The following ME3 variants were observed in gnomAD, a reference collection of about 807,000 sequenced individuals.
ME3 encodes the protein malic enzyme 3.
Under a neutral mutation model 68.9 loss-of-function variants are expected in ME3, and 48 were observed. The ratio of observed to expected loss-of-function variants is 0.70; its 90% CI spans 0.55 to 0.89. The LOEUF (loss-of-function observed/expected upper bound fraction) is 0.89. ME3 is among the 40% of genes least tolerant of loss of function. ME3 has a pLI of 0.00. For missense variants in ME3, 675 were observed against 797.4 expected, an observed-to-expected ratio of 0.85 and a Z score of 1.85; for synonymous variants, 320 against 318.8, an observed-to-expected ratio of 1.00 and a Z score of -0.04.
intron 2 of ME3, among the ~76,000 whole-genome samples, chr11:86,654,757 C>A (rs1945737362): frequency 6.6e-6 from 1 of 152,104 alleles, no homozygotes; most frequent in Non-Finnish European, 1.5e-5. Context: ...GGCAATCAGG[C>A]AGGAGAAGGA....
intron 2 of ME3, among the ~76,000 whole-genome samples, chr11:86,620,119 C>T (rs1222822706): frequency 1.3e-5 from 2 of 152,198 alleles, no homozygotes; most frequent in Non-Finnish European, 2.9e-5. Flanking sequence ...CCTTAAATCT[C>T]TACACTTAGC....
intron 6 of ME3, among the ~76,000 whole-genome samples, chr11:86,494,590 A>G (rs2138989599): frequency 6.6e-6 from 1 of 152,228 alleles, no homozygotes; most frequent in Non-Finnish European, 1.5e-5. Flanking sequence ...CCTCCCTGAC[A>G]TAAGGATCAG....
chr11:86,651,011 T>C (rs1221696100), intron 2 of ME3, among the ~76,000 whole-genome samples: 1 of 152,228 alleles, frequency 6.6e-6, no homozygotes, highest in African/African-American at 2.4e-5. Flanking sequence ...CACAGCAGTC[T>C]GCAATCAAAC....
intron 2 of ME3, among the ~76,000 whole-genome samples, chr11:86,626,198 T>C (rs1318616653): frequency 2.0e-5 from 3 of 152,184 alleles, no homozygotes; most frequent in South Asian, 2.1e-4. Context: ...GTAAACCACA[T>C]TGCAAACTGC....
downstream of ME3, among the ~76,000 whole-genome samples, chr11:86,439,794 A>G (rs994972151): frequency 6.6e-6 from 1 of 152,180 alleles, no homozygotes; most frequent in Non-Finnish European, 1.5e-5. Flanking sequence ...CTTTTCTACT[A>G]TATTGATTAT....
At chr11:86,504,640 C>T (rs1326200341) in intron 5 of ME3, among the ~76,000 whole-genome samples, 1 of 151,662 alleles carries the variant, frequency 6.6e-6, no homozygotes. Flanking sequence ...GTGATCTGCC[C>T]ACCTCGGCCT....
intron 2 of ME3, among the ~76,000 whole-genome samples, chr11:86,613,220 T>C (rs1594668129): frequency 1.3e-5 from 2 of 152,224 alleles, no homozygotes; most frequent in Admixed American, 1.3e-4. Flanking sequence ...TGGTTGTAGA[T>C]GTGTGGTGTT....
chr11:86,572,781 T>C (rs1957873756), intron 2 of ME3, among the ~76,000 whole-genome samples: 1 of 152,206 alleles, frequency 6.6e-6, no homozygotes, highest in African/African-American at 2.4e-5. Flanking sequence ...TTATATTACT[T>C]TGGGTATATA....
At chr11:86,457,711 A>G (rs1221314778) in intron 8 of ME3, 2 of 1,288,336 alleles carry the variant, frequency 1.6e-6, no homozygotes, top group Admixed American at 4.6e-5. Flanking sequence ...CTGGAACATG[A>G]CTTGTGCCCA....
intron 4 of ME3, among the ~76,000 whole-genome samples, chr11:86,524,156 C>A (rs904694981): frequency 6.6e-6 from 1 of 152,178 alleles, no homozygotes; most frequent in Non-Finnish European, 1.5e-5. Flanking sequence ...AAAACAAACA[C>A]CTTCCTGACG....
intron 5 of ME3, among the ~76,000 whole-genome samples, chr11:86,501,365 T>G (rs1952712264): frequency 6.6e-6 from 1 of 152,168 alleles, no homozygotes; most frequent in African/African-American, 2.4e-5. Context: ...ATTTCTGATC[T>G]CTCCAGTTTA....
At chr11:86,555,396 T>G (rs972095888) in intron 4 of ME3, among the ~76,000 whole-genome samples, 1 of 152,164 alleles carries the variant, frequency 6.6e-6, no homozygotes, top group African/African-American at 2.4e-5. Flanking sequence ...TCTACCACTA[T>G]TGGTTTTGGG....
intron 2 of ME3, among the ~76,000 whole-genome samples, chr11:86,648,768 C>T (rs141824858): frequency 1.3e-5 from 2 of 151,916 alleles, no homozygotes; most frequent in African/African-American, 4.8e-5. Context: ...CATACACCCT[C>T]CCAAGAAGAC....
intron 2 of ME3, among the ~76,000 whole-genome samples, chr11:86,603,244 A>G (rs1021960145): frequency 6.6e-6 from 1 of 150,914 alleles, no homozygotes; most frequent in Non-Finnish European, 1.5e-5. Flanking sequence ...ACTCAAACAA[A>G]TTTACAAGAA....
At chr11:86,477,456 ATAAT>A (rs1289201431) in intron 7 of ME3, among the ~76,000 whole-genome samples, 1 of 142,320 alleles carries the variant, frequency 7.0e-6, no homozygotes, top group Non-Finnish European at 1.6e-5. Flanking sequence ...AAGCAATTAA[ATAAT>A]TAAGAGTTAT....
intron 4 of ME3, among the ~76,000 whole-genome samples, chr11:86,532,951 C>G: frequency 6.6e-6 from 1 of 151,926 alleles, no homozygotes; most frequent in Non-Finnish European, 1.5e-5. Flanking sequence ...ACTCAGGAGG[C>G]TGAGGTGGGA....
At chr11:86,524,891 G>A (rs904991022) in intron 4 of ME3, among the ~76,000 whole-genome samples, 9 of 152,200 alleles carry the variant, frequency 5.9e-5, no homozygotes, top group Admixed American at 1.3e-4. Flanking sequence ...TTGATCTAAT[G>A]TGTTGTTTTG....
chr11:86,551,397 G>A (rs886502103), intron 4 of ME3, among the ~76,000 whole-genome samples: 1 of 152,130 alleles, frequency 6.6e-6, no homozygotes, highest in Non-Finnish European at 1.5e-5. Context: ...TGTTTCCCAA[G>A]TGTGAGAGTG....
intron 2 of ME3, among the ~76,000 whole-genome samples, chr11:86,640,360 T>C (rs1944593396): frequency 6.6e-6 from 1 of 152,214 alleles, no homozygotes; most frequent in East Asian, 1.9e-4. Flanking sequence ...CTGACTTTTA[T>C]TTCTATGGAC....
Sources: gnomAD v4.1 joint callset for allele counts (sites outside exome capture counted in the v4.1 genomes callset) on GRCh38, gnomAD v4.1.1 for gene constraint, MANE v1.5 for transcripts, NCBI Gene and HGNC (gene_info 2026-07-23, HGNC 2026-07-21) for gene names.